The following CLEC4C variants were observed in gnomAD, a reference collection of about 807,000 sequenced individuals.
CLEC4C encodes the protein C-type lectin domain family 4 member C, also known as C-type (calcium dependent, carbohydrate-recognition domain) lectin, superfamily member 11.
Under a neutral mutation model 27.7 loss-of-function variants are expected in CLEC4C, and 17 were observed. The ratio of observed to expected loss-of-function variants is 0.61; its 90% CI spans 0.42 to 0.92. CLEC4C has a LOEUF of 0.92. Among genes scored for constraint, CLEC4C ranks in the 40% least tolerant of loss-of-function variants. The probability of loss-of-function intolerance (pLI) is 0.00; values close to 1 mark genes in which losing one functional copy is unlikely to be tolerated. For missense variants in CLEC4C, 244 were observed against 257.3 expected (o/e 0.95, Z 0.35); for synonymous variants, 80 against 80.8 (o/e 0.99, Z 0.06).
chr12:7,729,707 A>G lies in CLEC4C; in HGVS notation c.531T>C (p.Asp177=). The change falls in exon 6 of 6, where the codon GAT becomes GAC. Residue 177 remains aspartate, a synonymous_variant. Transcript: ENST00000360345. ...FWHSGEPNNL[D]ERCAIINFRS... ...GGAAATTTATTATCGCACAACGCTC[A>G]TCAAGGTTATTGGGTTCACCTGAGT... 1.2e-6 allele frequency: 2 copies of G among 1,613,932 alleles called. No individual in the cohort carries two copies. Among genetic ancestry groups the G allele is most frequent in the Non-Finnish European group, 1.7e-6 (2 of 1,179,848 alleles).
At chr12:7,743,562 A>AC (rs1555105948) in intron 2 of CLEC4C, among the ~76,000 whole-genome samples, 2 of 146,634 alleles carry the variant, frequency 1.4e-5, no homozygotes, top group Non-Finnish European at 3.0e-5. Flanking sequence ...TTTTTTTTGT[A>AC]TTTTTTTTTT....
Position 7,730,844 on chromosome 12 carries a change from C to T in CLEC4C, c.450G>A (p.Arg150=), listed in dbSNP as rs142274058. ...TCTGGTCAACCCATTGCCAATGTCGCCGACCCCCTGGATCTGACAGCCCCA... is the reference window on the plus strand; with the variant it reads ...TCTGGTCAACCCATTGCCAATGTCGTCGACCCCCTGGATCTGACAGCCCCA... ...YFLGLSDPGG[R]RHWQWVDQTP... Residue 150 remains arginine (R), a synonymous_variant, in exon 5 of 6, where the codon CGG becomes CGA. Transcript: ENST00000360345. 8.1e-6 allele frequency: 13 copies of T among 1,611,366 alleles called. No individual in the cohort carries two copies. The African/African-American group carries it at 1.7e-4, about 22-fold the overall frequency.
intron 4 of CLEC4C, 134 bp from the exon 5 acceptor site, chr12:7,731,046 C>T (rs1029127029): frequency 3.8e-6 from 2 of 520,052 alleles, no homozygotes; most frequent in East Asian, 6.9e-5. Flanking sequence ...CTTCTAACTA[C>T]AAGCAGACAG....
At chr12:7,743,047 C>T (rs1864892511) in intron 2 of CLEC4C, among the ~76,000 whole-genome samples, 1 of 152,142 alleles carries the variant, frequency 6.6e-6, no homozygotes, top group Non-Finnish European at 1.5e-5. Context: ...CCTACAATAA[C>T]ATACAGTCTA....
Position 7,731,030 on chromosome 12 carries a change from A to G in CLEC4C, c.382-118T>C, listed in dbSNP as rs1265851532. On this transcript the variant is annotated intron_variant, in intron 4 of 5. Transcript: ENST00000360345. ...TAGCCTCATGCATTTCAAGGAAATC[A>G]CTTCTCTTCTAACTACAAGCAGACA... The G allele has an allele frequency of 5.4e-6, 3 of 554,728 alleles. No individual in the cohort carries two copies. The African/African-American group carries it at 5.7e-5, about 11-fold the overall frequency. The allele number at this position is 554,728 out of a possible 1,614,324, so 34.4% of individuals were successfully genotyped here.
chr12:7,740,709 A>G (rs1404192315), intron 3 of CLEC4C, among the ~76,000 whole-genome samples: 1 of 150,250 alleles, frequency 6.7e-6, no homozygotes, highest in African/African-American at 2.4e-5. Context: ...TCAAAAAAGA[A>G]AAAAAAGAAA....
At chr12:7,748,009 C>T (rs935096768), upstream of CLEC4C, among the ~76,000 whole-genome samples, 11 of 149,790 alleles carry the variant, frequency 7.3e-5, no homozygotes, top group Non-Finnish European at 1.6e-4. Flanking sequence ...CGGACTAATA[C>T]AGCCTCCCAA....
intron 2 of CLEC4C, among the ~76,000 whole-genome samples, chr12:7,742,385 T>C (rs1864875891): frequency 6.7e-6 from 1 of 149,818 alleles, no homozygotes; most frequent in African/African-American, 2.5e-5. Context: ...TGGTGGCACA[T>C]GCCTGTAATC....
chr12:7,746,361 G>A lies in CLEC4C; in HGVS notation c.94C>T (p.Leu32Phe), dbSNP rs143626463. The A allele has an allele frequency of 1.2e-5, 19 of 1,613,754 alleles. No homozygotes were observed. Among genetic ancestry groups the A allele is most frequent in the African/African-American group, 5.3e-5 (4 of 75,032 alleles). ...WSMAVVSILL[L>F]SVCFTVSSVV... ...GAACTCACAGTGAAACAGACACTGA[G>A]GAGCAAGATGGATACGACTGCCATG... The change falls in exon 2 of 6, where the codon CTC (leucine) becomes TTC (phenylalanine). Residue 32 changes from leucine to phenylalanine, a missense_variant. Physicochemically the swap from Leu to Phe is conservative, Grantham distance 22. Coordinates refer to ENST00000360345, the MANE Select transcript of CLEC4C (RefSeq NM_001371390.1).
intron 4 of CLEC4C, among the ~76,000 whole-genome samples, 199 bp from the exon 5 acceptor site, chr12:7,731,111 G>A (rs913314264): frequency 6.6e-6 from 1 of 152,128 alleles, no homozygotes; most frequent in Admixed American, 6.6e-5. Context: ...GGGAGGTGGA[G>A]GAAAAGTCTC....
Position 7,729,629 on chromosome 12 carries a change from C to A in CLEC4C, c.609G>T (p.Lys203Asn). The A allele has an allele frequency of 1.2e-6, 2 of 1,613,694 alleles. No individual in the cohort carries two copies. Among genetic ancestry groups the A allele is most frequent in the Non-Finnish European group, 1.7e-6 (2 of 1,179,836 alleles). The change falls in exon 6 of 6, where the codon AAG becomes AAT. Residue 203 changes from lysine (K) to asparagine (N), a missense_variant. Lys to Asn is a moderately conservative substitution (Grantham distance 94). Coordinates refer to ENST00000360345, the MANE Select transcript of CLEC4C (RefSeq NM_001371390.1). The stretch of plus-strand genomic sequence containing the variant: ...AGATCTTCTTCATCTTGCAAATTGA[C>A]TTCTGAGGTACATGACAGTGAATGT... ...WNDIHCHVPQ[K>N]SICKMKKIYI
rs3764005 is a variant in CLEC4C at position 7,729,399 on chromosome 12, A to C, written c.*197T>G. 0.16 allele frequency: 89,971 copies of C among 561,228 alleles called. 7,640 individuals are homozygous for C. The highest frequency in any genetic ancestry group is 0.28 in the East Asian group (9,147 of 32,970). The allele number at this position is 561,228 out of a possible 1,614,324, so 34.8% of individuals were successfully genotyped here. ...ATAGAAAAATGTTCACTAAACACTC[A>C]TTTTATGAATGAATAAATGAATAAA... On this transcript the variant is annotated 3_prime_UTR_variant, in exon 6 of 6. Coordinates refer to ENST00000360345, the MANE Select transcript of CLEC4C (RefSeq NM_001371390.1).
Position 7,741,540 on chromosome 12 carries a change from G to C in CLEC4C, c.125-9C>G, listed in dbSNP as rs766694027. 2 of 1,401,122 alleles carry C rather than the reference G, an allele frequency of 1.4e-6. No individual in the cohort carries two copies. The highest frequency in any genetic ancestry group is 3.4e-5 in the Admixed American group (2 of 59,662). The allele number at this position is 1,401,122 out of a possible 1,614,324, so 86.8% of individuals were successfully genotyped here. A position where few individuals can be genotyped will look rare whatever the true frequency, so the allele number is the denominator to read the frequency against. The stretch of plus-strand genomic sequence containing the variant: ...CATAAAATTGTGAGGCACTGGGAAA[G>C]AGAAATCGGAGTTAGTTCTCATTCT... On this transcript the variant is annotated splice_polypyrimidine_tract_variant and intron_variant, in intron 2 of 5. Transcript: ENST00000360345.
At chr12:7,744,037 C>A (rs7305088) in intron 2 of CLEC4C, among the ~76,000 whole-genome samples, 33,158 of 151,998 alleles carry the variant, frequency 0.22, 4,290 homozygotes, top group Admixed American at 0.31. Flanking sequence ...GATCTCACCC[C>A]AACTCAGAGC....
intron 4 of CLEC4C, among the ~76,000 whole-genome samples, chr12:7,734,780 TGA>T (rs1864684821): frequency 6.6e-6 from 1 of 151,690 alleles, no homozygotes; most frequent in African/African-American, 2.4e-5. Context: ...ACTCCTGACC[TGA>T]GGTGATCCAC....
At chr12:7,747,431 C>G (rs146855564), upstream of CLEC4C, 1,795 of 1,427,626 alleles carry the variant, frequency 1.3e-3, 16 homozygotes, top group African/African-American at 0.021. Context: ...ATGTTACTTT[C>G]GGGGTGTGGT....
intron 4 of CLEC4C, 122 bp downstream of exon 4, chr12:7,737,306 GT>G (rs1457828483): frequency 1.2e-4 from 103 of 848,154 alleles, no homozygotes; most frequent in Middle Eastern, 2.7e-4. Flanking sequence ...TGTTTTTTGG[GT>G]TTTTTTTTAC....
chr12:7,733,706 C>A (rs1326706843), intron 4 of CLEC4C, among the ~76,000 whole-genome samples: 1 of 151,794 alleles, frequency 6.6e-6, no homozygotes, highest in African/African-American at 2.4e-5. Context: ...TGGTCTCAAT[C>A]TCCTGACCTT....
chr12:7,729,423 AAT>A lies in CLEC4C; in HGVS notation c.*171_*172del. ...CATTTTATGAATGAATAAATGAATA[AAT>A]GAATAAATGAATGTGTGAATGGATT... On this transcript the variant is annotated 3_prime_UTR_variant, in exon 6 of 6. Transcript: ENST00000360345. 1.7e-6 allele frequency: 1 copy of A among 580,400 alleles called. No individual in the cohort carries two copies. Among genetic ancestry groups the A allele is most frequent in the Non-Finnish European group, 3.0e-6 (1 of 334,860 alleles). 36.0% of individuals were successfully genotyped at this position (580,400 alleles called of 1,614,324 possible). A position where few individuals can be genotyped will look rare whatever the true frequency, so the allele number is the denominator to read the frequency against.
Sources: allele counts gnomAD v4.1 joint callset (sites outside exome capture counted in the v4.1 genomes callset), GRCh38; gene constraint gnomAD v4.1.1; transcripts MANE v1.5; gene names NCBI Gene and HGNC (gene_info 2026-07-23, HGNC 2026-07-21).